The following BRD2 variants were observed in gnomAD, a reference collection of about 807,000 sequenced individuals.
BRD2 encodes the protein bromodomain containing 2, also known as bromodomain-containing protein 2.
A neutral mutation model predicts 79.1 loss-of-function variants in BRD2; 15 were observed. That is an observed-to-expected ratio of 0.19 (90% CI 0.13 to 0.29). The LOEUF (loss-of-function observed/expected upper bound fraction) is 0.29. Ranked by LOEUF, BRD2 falls within the 10% of genes least tolerant of loss-of-function variation. The pLI is 1.00. For missense variants in BRD2, 1,053 were observed against 991.3 expected (o/e 1.06, Z -0.84); for synonymous variants, 488 against 358.6 (o/e 1.36, Z -4.08).
chr6:32,969,434 G>T (rs116471760), intron 1 of BRD2: 20,601 of 704,278 alleles, frequency 0.029, 388 homozygotes, highest in South Asian at 0.044. Flanking sequence ...CCTACCCGTG[G>T]ATGTGAATGC....
chr6:32,973,328 G>A (rs1292384933), intron 2 of BRD2, among the ~76,000 whole-genome samples: 1 of 152,124 alleles, frequency 6.6e-6, no homozygotes, highest in Non-Finnish European at 1.5e-5. Flanking sequence ...CATGGTGACG[G>A]AGCGCTTAAG....
Position 32,980,942 on chromosome 6 carries a change from C to G in BRD2, c.*224C>G, listed in dbSNP as rs935868501. ...ATTCCCAGCCCCATTGGGGAGTGAT[C>G]TCTTGGACACAGAGCCCCCATTCAA... On this transcript the variant is annotated 3_prime_UTR_variant, in exon 13 of 13. Coordinates refer to ENST00000374825, the MANE Select transcript of BRD2 (RefSeq NM_005104.4). 4 of 587,710 alleles carry G rather than the reference C, an allele frequency of 6.8e-6. No homozygotes were observed. Among genetic ancestry groups the G allele is most frequent in the Non-Finnish European group, 1.2e-5 (4 of 334,280 alleles). The allele number at this position is 587,710 out of a possible 1,614,324, so 36.4% of individuals were successfully genotyped here.
chr6:32,974,172 C>A (rs996060617), intron 2 of BRD2, among the ~76,000 whole-genome samples: 1 of 152,116 alleles, frequency 6.6e-6, no homozygotes. Flanking sequence ...GATGTCGTGC[C>A]TTGTCAGAAA....
chr6:32,977,824 C>G lies in BRD2; in HGVS notation c.1397C>G (p.Ser466Cys). Residue 466 changes from serine (S) to cysteine (C), a missense_variant, in exon 9 of 13, where the codon TCT (serine) becomes TGT (cysteine). Physicochemically the swap from Ser to Cys is moderately radical, Grantham distance 112 (BLOSUM62 -1). This residue lies in a region of BRD2 where 454 missense variants were observed against 430.5 expected (regional missense o/e 1.05). Transcript: ENST00000374825. ...CTAGAACCAGGGCCTTTACCAGTCT[C>G]TACTGCCATGCCCCCTGGCTTGGCC... ...EPLEPGPLPV[S>C]TAMPPGLAKS... 2 of 1,613,118 alleles carry G rather than the reference C, an allele frequency of 1.2e-6. No homozygotes were observed. The highest frequency in any genetic ancestry group is 1.3e-5 in the African/African-American group (1 of 75,050).
At chr6:32,974,207 G>C (rs981171920) in intron 2 of BRD2, among the ~76,000 whole-genome samples, 1 of 152,052 alleles carries the variant, frequency 6.6e-6, no homozygotes, top group Non-Finnish European at 1.5e-5. Flanking sequence ...TTTAAAATAT[G>C]AAAAAGAACA....
chr6:32,974,596 A>C lies in BRD2; in HGVS notation c.164A>C (p.Gln55Pro), dbSNP rs775865042. 33 of 1,614,084 alleles carry C rather than the reference A, an allele frequency of 2.0e-5. No homozygotes were observed. The Admixed American group carries it at 5.3e-4, about 26-fold the overall frequency. Residue 55 changes from glutamine to proline, a missense_variant, in exon 3 of 13, where the codon CAA becomes CCA. Coordinates refer to ENST00000374825, the MANE Select transcript of BRD2 (RefSeq NM_005104.4). Reference sequence around the variant, plus strand: ...ACAATGGCTTCGGTGCCTGCTTTGCAACTTACCCCTGCCAACCCACCACCC... The same window carrying C: ...ACAATGGCTTCGGTGCCTGCTTTGCCACTTACCCCTGCCAACCCACCACCC... ...SPTMASVPALQLTPANPPPPE... is the reference protein window; with the variant it reads ...SPTMASVPALPLTPANPPPPE...
At chr6:32,973,865 A>G (rs1222428701) in intron 2 of BRD2, among the ~76,000 whole-genome samples, 2 of 152,054 alleles carry the variant, frequency 1.3e-5, no homozygotes, top group African/African-American at 2.4e-5. Flanking sequence ...CCTTGTCTGA[A>G]TTTGTTTTTA....
At chr6:32,969,610 C>T (rs1777768074) in intron 1 of BRD2, among the ~76,000 whole-genome samples, 2 of 152,208 alleles carry the variant, frequency 1.3e-5, no homozygotes, top group Admixed American at 1.3e-4. Context: ...GAGTCGCTTA[C>T]CGAATTTGTG....
Position 32,980,412 on chromosome 6 carries a change from G to C in BRD2, c.2217G>C (p.Arg739=), listed in dbSNP as rs746133291. 10 of 1,612,958 alleles carry C rather than the reference G, an allele frequency of 6.2e-6. No homozygotes were observed. ...ALEKKRELEK[R]LQDVSGQLNS... ...AGAAAAAGCGGGAATTAGAAAAGCG[G>C]TTACAAGATGTCAGCGGACAGCTCA... Residue 739 remains arginine (R), a synonymous_variant, in exon 12 of 13, where the codon CGG becomes CGC. Transcript: ENST00000374825.
chr6:32,977,741 TTG>T lies in BRD2; in HGVS notation c.1330-13_1330-12del. ...ACTGTTTATCAGCATAGTTTTGAGT[TTG>T]TGCCTCTTTGTAGGATGTATTTGAG... On this transcript the variant is annotated splice_polypyrimidine_tract_variant and intron_variant, in intron 8 of 12. Transcript: ENST00000374825. The T allele has an allele frequency of 6.2e-7, 1 of 1,612,700 alleles. No homozygotes were observed. The highest frequency in any genetic ancestry group is 8.5e-7 in the Non-Finnish European group (1 of 1,179,798).
rs925644769 is a variant in BRD2 at position 32,972,187 on chromosome 6, G to C, written c.-712G>C. 1.8e-6 allele frequency: 1 copy of C among 561,944 alleles called. No individual in the cohort carries two copies. Among genetic ancestry groups the C allele is most frequent in the East Asian group, 3.2e-5 (1 of 31,022 alleles). 34.8% of individuals were successfully genotyped at this position (561,944 alleles called of 1,614,324 possible). On this transcript the variant is annotated 5_prime_UTR_variant, in exon 2 of 13. Coordinates refer to ENST00000374825, the MANE Select transcript of BRD2 (RefSeq NM_005104.4). ...GCCTATATATAAAGGGCTGGCGCGGGGCTCGGCGGCGCCATTTCGTGCTGG... is the reference window on the plus strand; with the variant it reads ...GCCTATATATAAAGGGCTGGCGCGGCGCTCGGCGGCGCCATTTCGTGCTGG...
rs1184436551 is a variant in BRD2 at position 32,972,162 on chromosome 6, G to T, written c.-737G>T. The T allele has an allele frequency of 3.2e-6, 2 of 628,664 alleles. No individual in the cohort carries two copies. The highest frequency in any genetic ancestry group is 5.8e-6 in the Non-Finnish European group (2 of 345,722). 38.9% of individuals were successfully genotyped at this position (628,664 alleles called of 1,614,324 possible). A position where few individuals can be genotyped will look rare whatever the true frequency, so the allele number is the denominator to read the frequency against. On this transcript the variant is annotated 5_prime_UTR_variant, in exon 2 of 13. Transcript: ENST00000374825. ...ATGAGCGGCGAAGCTCCTCCTCCCC[G>T]CCTATATATAAAGGGCTGGCGCGGG...
At chr6:32,975,667 C>T in intron 4 of BRD2, 146 bp downstream of exon 4, 1 of 947,944 alleles carries the variant, frequency 1.1e-6, no homozygotes, top group East Asian at 2.5e-5. Flanking sequence ...AAACCTGACT[C>T]TAGATGGTAC....
chr6:32,978,091 T>C, intron 9 of BRD2, 35 bp from the exon 10 acceptor site: 2 of 1,559,882 alleles, frequency 1.3e-6, no homozygotes, highest in African/African-American at 1.4e-5. Flanking sequence ...TTTATCTTTA[T>C]TTACTTTTTC....
At chr6:32,969,910 C>T (rs1378612812) in intron 1 of BRD2, among the ~76,000 whole-genome samples, 1 of 152,178 alleles carries the variant, frequency 6.6e-6, no homozygotes, top group Non-Finnish European at 1.5e-5. Context: ...GAACAGTTCT[C>T]TCCTTGTGTA....
At position 32,976,144 on chromosome 6, in the gene BRD2, C is replaced by T. The variant is rs2127514907; in HGVS notation, c.585C>T (p.Ser195=). 1 of 1,612,578 alleles carries T rather than the reference C, an allele frequency of 6.2e-7. No homozygotes were observed. Among genetic ancestry groups the T allele is most frequent in the Non-Finnish European group, 8.5e-7 (1 of 1,179,858 alleles). The stretch of plus-strand genomic sequence containing the variant: ...TGGTAGTGACCATCCCTAAGAACAG[C>T]CACAAGAAGGGGGCCAAGTTGGCAG... ...QELVVTIPKN[S]HKKGAKLAAL... The change falls in exon 5 of 13, where the codon AGC becomes AGT. Residue 195 remains serine, a synonymous_variant. Coordinates refer to ENST00000374825, the MANE Select transcript of BRD2 (RefSeq NM_005104.4).
At chr6:32,970,060 C>T (rs1777805981) in intron 1 of BRD2, among the ~76,000 whole-genome samples, 1 of 152,182 alleles carries the variant, frequency 6.6e-6, no homozygotes, top group Non-Finnish European at 1.5e-5. Flanking sequence ...AGGGAATAAA[C>T]GAGAGCAATG....
chr6:32,969,363 A>G lies in BRD2; in HGVS notation c.-1305+307A>G, dbSNP rs776915913. ...GCAGCCGGGAGCCAGGTGAGAAGGGATCCATCGGCGGCCGAGGGAGGGGTG... is the reference window on the plus strand; with the variant it reads ...GCAGCCGGGAGCCAGGTGAGAAGGGGTCCATCGGCGGCCGAGGGAGGGGTG... On this transcript the variant is annotated intron_variant, in intron 1 of 12. Transcript: ENST00000374825. 40 of 716,540 alleles carry G rather than the reference A, an allele frequency of 5.6e-5. 1 individual carries two copies. In the South Asian group the frequency reaches 5.8e-4, roughly 10 times the overall value. 44.4% of individuals were successfully genotyped at this position (716,540 alleles called of 1,614,324 possible).
In BRD2 at chr6:32,980,819, T is replaced by C. The variant is rs1779446890; in HGVS notation, c.*101T>C. On this transcript the variant is annotated 3_prime_UTR_variant, in exon 13 of 13. Coordinates refer to ENST00000374825, the MANE Select transcript of BRD2 (RefSeq NM_005104.4). ...CCCTTTGCTGTGACACTTCTTCATC[T>C]CACCCCCCCCCGCCCCCCTCTAGGA... is the stretch of plus-strand genomic sequence containing the variant. The C allele has an allele frequency of 7.2e-7, 1 of 1,387,828 alleles. No individual in the cohort carries two copies. The highest frequency in any genetic ancestry group is 1.5e-5 in the African/African-American group (1 of 65,036). 86.0% of individuals were successfully genotyped at this position (1,387,828 alleles called of 1,614,324 possible).
Sources: allele counts gnomAD v4.1 joint callset (sites outside exome capture counted in the v4.1 genomes callset), GRCh38; gene constraint gnomAD v4.1.1; regional missense constraint gnomAD v4.1.1; transcripts MANE v1.5; gene names NCBI Gene and HGNC (gene_info 2026-07-23, HGNC 2026-07-21).